Variants in TMEM204 observed in about 807,000 individuals in gnomAD.
TMEM204 encodes the protein claudin-like protein 24.
A neutral mutation model predicts 19.4 loss-of-function variants in TMEM204; 15 were observed. The ratio of observed to expected loss-of-function variants is 0.77; its 90% confidence interval spans 0.52 to 1.19. The LOEUF is 1.19. TMEM204 is among the 50% of genes most tolerant of loss of function. The pLI, the probability that TMEM204 is intolerant of heterozygous loss-of-function variation, is 0.00. For synonymous variants in TMEM204, 161 were observed against 146.0 expected, an observed-to-expected ratio of 1.10 and a Z score of -0.74; for missense variants, 287 against 321.2, an observed-to-expected ratio of 0.89 and a Z score of 0.81.
At chr16:1,546,325 C>T (rs2141339184) in intron 2 of TMEM204, among the ~76,000 whole-genome samples, 1 of 152,308 alleles carries the variant, frequency 6.6e-6, no homozygotes, top group Non-Finnish European at 1.5e-5. Flanking sequence ...ATGCTCCGAG[C>T]CCTCAGGTGT....
rs1231257978 is a variant in TMEM204 at position 1,553,725 on chromosome 16, C to T, written c.437-1057C>T. On this transcript the variant is annotated intron_variant, in intron 2 of 2. Coordinates refer to ENST00000566264, the MANE Select transcript of TMEM204 (RefSeq NM_024600.6). This position sits in a 1 kb window ranked among gnomAD's most constrained non-coding sequence, Gnocchi z 4.4. ...CCATGGCCTCCAGGACAATCTGTGG[C>T]CACATCCCCATGGCTGTAGGGGATG... 4 of 1,122,678 alleles carry T rather than the reference C, an allele frequency of 3.6e-6. No individual in the cohort carries two copies. Among genetic ancestry groups the T allele is most frequent in the East Asian group, 1.3e-4 (2 of 15,884 alleles). The allele number at this position is 1,122,678 out of a possible 1,614,324, so 69.5% of individuals were successfully genotyped here.
At chr16:1,529,390 A>G (rs1044217808), upstream of TMEM204, among the ~76,000 whole-genome samples, 2 of 152,130 alleles carry the variant, frequency 1.3e-5, no homozygotes, top group Non-Finnish European at 2.9e-5. Flanking sequence ...ATGGCCTCAC[A>G]TGGGGCTCCT....
intron 1 of TMEM204, 75 bp downstream of exon 1, chr16:1,534,630 C>A (rs1432253095): frequency 6.3e-6 from 10 of 1,584,680 alleles, no homozygotes; most frequent in Non-Finnish European, 8.5e-6. Context: ...TAGGCGCGGA[C>A]CTGGTGAGCG....
rs117265160 is a variant in TMEM204 at position 1,544,475 on chromosome 16, G to A, written c.436+2399G>A. Among the ~76,000 whole-genome samples the A allele has an allele frequency of 6.4e-3, 969 of 150,480 alleles. 6 individuals are homozygous for A. The highest frequency in any genetic ancestry group is 0.025 in the Middle Eastern group (7 of 284). On this transcript the variant is annotated intron_variant, in intron 2 of 2. Coordinates refer to ENST00000566264, the MANE Select transcript of TMEM204 (RefSeq NM_024600.6). Reference sequence around the variant, plus strand: ...GCTAGGATTATAGGCGTGAGCCACCGCGCCTGGCCACGCCCCACTAATTTT... The same window carrying A: ...GCTAGGATTATAGGCGTGAGCCACCACGCCTGGCCACGCCCCACTAATTTT...
intron 2 of TMEM204, among the ~76,000 whole-genome samples, chr16:1,549,287 C>T (rs1217901089): frequency 3.3e-5 from 5 of 152,262 alleles, no homozygotes; most frequent in Non-Finnish European, 7.3e-5. Flanking sequence ...TTTTTTCACA[C>T]AAGGTACAGA....
chr16:1,552,299 G>A (rs957594676), intron 2 of TMEM204, among the ~76,000 whole-genome samples: 1 of 152,062 alleles, frequency 6.6e-6, no homozygotes, highest in African/African-American at 2.4e-5. Flanking sequence ...GCTGGGCTGG[G>A]ACTCTCCCCA....
chr16:1,552,139 C>T (rs1352631839), intron 2 of TMEM204, among the ~76,000 whole-genome samples: 2 of 152,156 alleles, frequency 1.3e-5, no homozygotes, highest in South Asian at 2.1e-4. Flanking sequence ...ATTTTAAACA[C>T]GTTTCTGTAA....
upstream of TMEM204, chr16:1,533,039 T>C (rs1435471665): frequency 6.6e-6 from 1 of 152,478 alleles, no homozygotes; most frequent in Non-Finnish European, 1.5e-5. This position sits in a 1 kb window ranked among gnomAD's most constrained non-coding sequence, Gnocchi z 4.7. Context: ...AAGAATGACC[T>C]GGCCTCGAGG....
chr16:1,535,278 G>A (rs892530013), intron 1 of TMEM204, among the ~76,000 whole-genome samples: 5 of 152,072 alleles, frequency 3.3e-5, no homozygotes, highest in Non-Finnish European at 7.4e-5. Flanking sequence ...GGAGAGGAAG[G>A]GGCTCAGAAT....
intron 2 of TMEM204, among the ~76,000 whole-genome samples, chr16:1,544,427 C>T (rs896600465): frequency 5.3e-5 from 8 of 151,704 alleles, no homozygotes; most frequent in South Asian, 2.1e-4. Flanking sequence ...CCTCGTGATC[C>T]GCCCACCTTG....
chr16:1,550,955 C>T (rs925173381), intron 2 of TMEM204, among the ~76,000 whole-genome samples: 1 of 152,162 alleles, frequency 6.6e-6, no homozygotes. Flanking sequence ...CCTTGGGAAT[C>T]GTGCTGCCCC....
At chr16:1,546,410 CT>C (rs2032175474) in intron 2 of TMEM204, among the ~76,000 whole-genome samples, 1 of 152,202 alleles carries the variant, frequency 6.6e-6, no homozygotes, top group African/African-American at 2.4e-5. Flanking sequence ...GGCTCTGCCC[CT>C]GGTCAGCTGT....
At chr16:1,540,187 A>G (rs2031497062) in intron 1 of TMEM204, among the ~76,000 whole-genome samples, 1 of 152,210 alleles carries the variant, frequency 6.6e-6, no homozygotes, top group Non-Finnish European at 1.5e-5. Context: ...TGAGCGCTGG[A>G]GCAGCACCCA....
At chr16:1,554,013 C>A (rs1409740422) in intron 2 of TMEM204, 1 of 1,287,214 alleles carries the variant, frequency 7.8e-7, no homozygotes, top group Admixed American at 2.3e-5. Context: ...TTGCTCACGG[C>A]CCACCTCTCC....
At chr16:1,547,727 G>C (rs971816471) in intron 2 of TMEM204, among the ~76,000 whole-genome samples, 7 of 152,122 alleles carry the variant, frequency 4.6e-5, no homozygotes, top group Non-Finnish European at 7.4e-5. Flanking sequence ...GTAGAGATGG[G>C]GTTTCACCAT....
intron 2 of TMEM204, among the ~76,000 whole-genome samples, chr16:1,548,812 C>T (rs768449298): frequency 1.3e-5 from 2 of 152,344 alleles, no homozygotes; most frequent in Non-Finnish European, 2.9e-5. Context: ...CACCTTCTTA[C>T]GCGCGTCTGG....
In TMEM204 at chr16:1,534,273, G is replaced by C; in HGVS notation, c.-3G>C. 6.2e-7 allele frequency: 1 copy of C among 1,610,982 alleles called. No individual in the cohort carries two copies. Reference sequence around the variant, plus strand: ...CGGATAAGCGGCGGCACCGGCGTCAGCGATGACCGTGCAGAGACTCGTGGC... The same window carrying C: ...CGGATAAGCGGCGGCACCGGCGTCACCGATGACCGTGCAGAGACTCGTGGC... On this transcript the variant is annotated 5_prime_UTR_variant, in exon 1 of 3. Transcript: ENST00000566264.
Position 1,534,356 on chromosome 16 carries a change from C to T in TMEM204, c.81C>T (p.Thr27=). ...SLILNNVAAF[T]SNWVCQTLED... is the part of the protein sequence containing the mutation. The stretch of plus-strand genomic sequence containing the variant: ...TCCTCAACAACGTGGCGGCCTTCAC[C>T]TCCAACTGGGTGTGCCAGACGCTGG... The change falls in exon 1 of 3, where the codon ACC becomes ACT. Residue 27 remains threonine (T), a synonymous_variant. Coordinates refer to ENST00000566264, the MANE Select transcript of TMEM204 (RefSeq NM_024600.6). The T allele has an allele frequency of 1.2e-6, 2 of 1,612,910 alleles. No individual in the cohort carries two copies. Among genetic ancestry groups the T allele is most frequent in the East Asian group, 2.2e-5 (1 of 44,874 alleles).
chr16:1,546,996 C>G (rs1174989379), intron 2 of TMEM204, among the ~76,000 whole-genome samples: 1 of 152,210 alleles, frequency 6.6e-6, no homozygotes, highest in Non-Finnish European at 1.5e-5. Context: ...CTCTCTGCAT[C>G]CGTGTGGGGA....
Sources: gnomAD v4.1 joint callset for allele counts (sites outside exome capture counted in the v4.1 genomes callset) on GRCh38, gnomAD v4.1.1 for gene constraint, Gnocchi (gnomAD v3.1) non-coding constraint, MANE v1.5 for transcripts, NCBI Gene and HGNC (gene_info 2026-07-23, HGNC 2026-07-21) for gene names.